Variants in KCNH1 observed in about 807,000 individuals in gnomAD.
The protein encoded by KCNH1 is potassium voltage-gated channel subfamily H member 1, also known as voltage-gated delayed rectifier potassium channel KCNH1.
Under a neutral mutation model 69.2 loss-of-function variants are expected in KCNH1, and 27 were observed. That is an observed-to-expected ratio of 0.39 (90% CI 0.29 to 0.54). The LOEUF (loss-of-function observed/expected upper bound fraction) is 0.54. Ranked by LOEUF, KCNH1 falls within the 20% of genes least tolerant of loss-of-function variation. The probability of loss-of-function intolerance (pLI) is 0.68; values close to 1 mark genes in which losing one functional copy is unlikely to be tolerated. For synonymous variants in KCNH1, 456 were observed against 487.7 expected, an observed-to-expected ratio of 0.93 and a Z score of 0.86; for missense variants, 798 against 1,261.6, an observed-to-expected ratio of 0.63 and a Z score of 5.57.
chr1:210,861,745 T>C (rs1040196375), intron 7 of KCNH1: 1 of 774,440 alleles, frequency 1.3e-6, no homozygotes, highest in Non-Finnish European at 2.4e-6. Context: ...AAAATGATCC[T>C]TTAGAACTGA....
chr1:211,020,816 A>G (rs1003288439), intron 5 of KCNH1, among the ~76,000 whole-genome samples: 4 of 152,156 alleles, frequency 2.6e-5, no homozygotes, highest in African/African-American at 7.2e-5. Flanking sequence ...ATTTATCCAG[A>G]GATGCAAGAA....
chr1:210,761,726 G>A (rs963472961), intron 10 of KCNH1, among the ~76,000 whole-genome samples: 3 of 152,180 alleles, frequency 2.0e-5, no homozygotes, highest in Admixed American at 6.5e-5. Context: ...AATTAAAATT[G>A]GAACATTCAG....
chr1:211,106,146 G>A (rs1335502963), intron 2 of KCNH1, among the ~76,000 whole-genome samples: 1 of 152,152 alleles, frequency 6.6e-6, no homozygotes, highest in Non-Finnish European at 1.5e-5. Context: ...TCCTGATTTG[G>A]CATGAATGAT....
At chr1:210,796,542 C>G (rs1684318701) in intron 9 of KCNH1, among the ~76,000 whole-genome samples, 1 of 152,164 alleles carries the variant, frequency 6.6e-6, no homozygotes, top group Non-Finnish European at 1.5e-5. Flanking sequence ...GTCCCAGTTA[C>G]CAACACGTTC....
intron 10 of KCNH1, among the ~76,000 whole-genome samples, chr1:210,759,322 G>T (rs1216979546): frequency 6.6e-6 from 1 of 152,054 alleles, no homozygotes; most frequent in Non-Finnish European, 1.5e-5. Context: ...GAGCCAGAAT[G>T]AAATGTCTGG....
intron 7 of KCNH1, among the ~76,000 whole-genome samples, chr1:210,851,343 C>T (rs933090658): frequency 3.3e-5 from 5 of 152,208 alleles, no homozygotes; most frequent in African/African-American, 1.2e-4. Context: ...TAACCTACTT[C>T]TATCATCCCA....
intron 7 of KCNH1, among the ~76,000 whole-genome samples, chr1:210,845,671 C>G (rs1205079194): frequency 3.3e-5 from 5 of 151,962 alleles, no homozygotes; most frequent in African/African-American, 4.8e-5. Context: ...ACTGGCACAA[C>G]ACAGGGATGC....
At chr1:210,716,390 C>T (rs1278002971) in intron 10 of KCNH1, among the ~76,000 whole-genome samples, 3 of 139,588 alleles carry the variant, frequency 2.1e-5, no homozygotes, top group African/African-American at 8.4e-5. Flanking sequence ...AGAGATTGTG[C>T]CACTGCACTA....
At chr1:211,058,368 AAAAG>A (rs1157930120) in intron 5 of KCNH1, among the ~76,000 whole-genome samples, 1 of 152,240 alleles carries the variant, frequency 6.6e-6, no homozygotes, top group African/African-American at 2.4e-5. Context: ...TAGAAAGACT[AAAAG>A]TTGAACCAAT....
intron 2 of KCNH1, among the ~76,000 whole-genome samples, chr1:211,105,215 G>C (rs991280950): frequency 6.6e-6 from 1 of 152,168 alleles, no homozygotes; most frequent in African/African-American, 2.4e-5. Flanking sequence ...AATAGATCAA[G>C]ACTAATTTAG....
At chr1:211,071,361 G>A (rs965491611) in intron 5 of KCNH1, among the ~76,000 whole-genome samples, 1 of 152,162 alleles carries the variant, frequency 6.6e-6, no homozygotes, top group Non-Finnish European at 1.5e-5. Flanking sequence ...GATTCTTGAT[G>A]AGAACCTTGA....
intron 6 of KCNH1, among the ~76,000 whole-genome samples, chr1:210,944,048 C>T (rs1037258836): frequency 1.3e-5 from 2 of 152,170 alleles, no homozygotes; most frequent in African/African-American, 4.8e-5. Context: ...TCCCAAGACT[C>T]TAAGTCCAGC....
chr1:211,111,542 C>T (rs1008873793), intron 1 of KCNH1, among the ~76,000 whole-genome samples: 6 of 148,476 alleles, frequency 4.0e-5, no homozygotes, highest in Non-Finnish European at 8.9e-5. Flanking sequence ...AGCACCTCTG[C>T]CCGGCCCCCC....
In KCNH1 at chr1:210,683,931, C is replaced by T. The variant is rs1216337359; in HGVS notation, c.2320G>A (p.Glu774Lys). 1.2e-6 allele frequency: 2 copies of T among 1,610,856 alleles called. No homozygotes were observed. Among genetic ancestry groups the T allele is most frequent in the Admixed American group, 1.7e-5 (1 of 59,958 alleles). ...AGGCTGTGGTTGGCGGAGGCATGCTCTGTAAGGACATTGCCCTTCTCCACA... is the reference window on the plus strand; with the variant it reads ...AGGCTGTGGTTGGCGGAGGCATGCTTTGTAAGGACATTGCCCTTCTCCACA... ...LDVEKGNVLT[E>K]HASANHSLVK... The change falls in exon 11 of 11, where the codon GAG (glutamate) becomes AAG (lysine). Residue 774 changes from glutamate (E) to lysine (K), a missense_variant. Physicochemically the swap from Glu to Lys is moderately conservative, Grantham distance 56 (BLOSUM62 1). This residue lies in a region of KCNH1 where 331 missense variants were observed against 363.2 expected (regional missense o/e 0.91). Coordinates refer to ENST00000271751, the MANE Select transcript of KCNH1 (RefSeq NM_172362.3). This position sits in a 1 kb window ranked among gnomAD's most constrained non-coding sequence, Gnocchi z 5.7.
intron 5 of KCNH1, among the ~76,000 whole-genome samples, chr1:211,045,505 A>G (rs1438461739): frequency 6.6e-6 from 1 of 152,128 alleles, no homozygotes; most frequent in Admixed American, 6.6e-5. Context: ...ATAATTATAT[A>G]ATTATTTTTA....
chr1:210,732,188 T>C (rs1682763655), intron 10 of KCNH1, among the ~76,000 whole-genome samples: 1 of 151,552 alleles, frequency 6.6e-6, no homozygotes, highest in Non-Finnish European at 1.5e-5. Flanking sequence ...TTACAGGAAC[T>C]GCTCCCCAAA....
At chr1:211,102,040 G>A (rs980630501) in intron 3 of KCNH1, among the ~76,000 whole-genome samples, 1 of 152,070 alleles carries the variant, frequency 6.6e-6, no homozygotes, top group African/African-American at 2.4e-5. Context: ...GATCTAGTTG[G>A]TTTACCTGGG....
chr1:210,804,036 T>C lies in KCNH1; in HGVS notation c.1593A>G (p.Gly531=), dbSNP rs778099171. 1 of 1,614,176 alleles carries C rather than the reference T, an allele frequency of 6.2e-7. No homozygotes were observed. The highest frequency in any genetic ancestry group is 8.5e-7 in the Non-Finnish European group (1 of 1,180,022). Residue 531 remains glycine (G), a synonymous_variant, in exon 8 of 11, where the codon GGA becomes GGG. Coordinates refer to ENST00000271751, the MANE Select transcript of KCNH1 (RefSeq NM_172362.3). ...DFLKLYQVPK[G]LSERVMDYIV... ...TATAATCCATTACTCGCTCACTCAA[T>C]CCTTTTGGCACCTGGTAGAGCTTCA...
chr1:210,937,850 C>G (rs921148491), intron 6 of KCNH1, among the ~76,000 whole-genome samples: 1 of 152,206 alleles, frequency 6.6e-6, no homozygotes, highest in African/African-American at 2.4e-5. Context: ...CCCAAAGCAC[C>G]TCTCTTTATG....
Sources: gnomAD v4.1 joint callset for allele counts (sites outside exome capture counted in the v4.1 genomes callset) on GRCh38, gnomAD v4.1.1 for gene constraint, gnomAD v4.1.1 regional missense constraint, Gnocchi (gnomAD v3.1) non-coding constraint, MANE v1.5 for transcripts, NCBI Gene and HGNC (gene_info 2026-07-23, HGNC 2026-07-21) for gene names.